The following USP10 variants were observed in gnomAD, a reference collection of about 807,000 sequenced individuals.
USP10 encodes the protein ubiquitin specific peptidase 10, also known as ubiquitin carboxyl-terminal hydrolase 10.
Under a neutral mutation model 84.5 loss-of-function variants are expected in USP10, and 22 were observed. The observed-to-expected ratio is 0.26, with a 90% CI of 0.19 to 0.37. USP10 has a LOEUF of 0.37. Among genes scored for constraint, USP10 ranks in the 10% least tolerant of loss-of-function variants. USP10 has a pLI of 1.00. For synonymous variants in USP10, 454 were observed against 387.6 expected, an observed-to-expected ratio of 1.17 and a Z score of -2.01; for missense variants, 1,019 against 998.9, an observed-to-expected ratio of 1.02 and a Z score of -0.27.
At chr16:84,753,291 G>C (rs374404290) in intron 4 of USP10, among the ~76,000 whole-genome samples, 13 of 152,122 alleles carry the variant, frequency 8.5e-5, no homozygotes, top group East Asian at 3.8e-4. Flanking sequence ...AATATGTCAA[G>C]ATGTTTAAAA....
At chr16:84,733,247 G>A (rs1909471307) in intron 1 of USP10, 188 bp from the exon 2 acceptor site, 1 of 609,472 alleles carries the variant, frequency 1.6e-6, no homozygotes, top group Non-Finnish European at 2.9e-6. Flanking sequence ...TGTAGGAAAG[G>A]TTCAGTAGTA....
chr16:84,759,514 T>A (rs1013044895), intron 6 of USP10, 42 bp downstream of exon 6: 2 of 1,535,162 alleles, frequency 1.3e-6, no homozygotes, highest in African/African-American at 2.7e-5. Flanking sequence ...GTGGGGTTTT[T>A]CCCGTCTGAT....
chr16:84,775,086 G>T (rs1914857430), intron 12 of USP10, 74 bp from the exon 13 acceptor site: 1 of 1,312,928 alleles, frequency 7.6e-7, no homozygotes, highest in Non-Finnish European at 1.1e-6. Flanking sequence ...GGAGAATGTT[G>T]TTAGCCATTT....
At chr16:84,772,801 TG>T in intron 12 of USP10, 116 bp downstream of exon 12, 3 of 1,353,702 alleles carry the variant, frequency 2.2e-6, no homozygotes, top group Non-Finnish European at 3.0e-6. Flanking sequence ...TTGCTGGACG[TG>T]GACTTGTTTT....
chr16:84,757,028 G>A (rs74032690), intron 4 of USP10, among the ~76,000 whole-genome samples: 5,079 of 152,260 alleles, frequency 0.033, 128 homozygotes, highest in South Asian at 0.14. Context: ...TGTGACCTCA[G>A]TTTTCTCATC....
At chr16:84,724,480 T>C (rs1033658494) in intron 1 of USP10, among the ~76,000 whole-genome samples, 18 of 152,278 alleles carry the variant, frequency 1.2e-4, no homozygotes, top group South Asian at 2.1e-4. Context: ...TACTTTGACA[T>C]TTGAGTTTCA....
intron 4 of USP10, among the ~76,000 whole-genome samples, chr16:84,746,772 T>G (rs557489727): frequency 4.2e-4 from 64 of 152,304 alleles, no homozygotes; most frequent in African/African-American, 1.5e-3. Flanking sequence ...AAATTTTTCC[T>G]CAATAAGAAA....
chr16:84,753,042 C>T lies in USP10; in HGVS notation c.1193-5674C>T, dbSNP rs373222407. Among the ~76,000 whole-genome samples, 6 of 152,254 alleles carry T rather than the reference C, an allele frequency of 3.9e-5. No individual in the cohort carries two copies. The East Asian group carries it at 9.6e-4, about 24-fold the overall frequency. ...AGTGCTGTGGCATGATCATAGCTCA[C>T]TGCAGCCTTGATCTCTCAGGCGCAG... is the stretch of plus-strand genomic sequence containing the variant. On this transcript the variant is annotated intron_variant, in intron 4 of 13. Coordinates refer to ENST00000219473, the MANE Select transcript of USP10 (RefSeq NM_005153.3).
At chr16:84,748,101 C>T (rs1333901219) in intron 4 of USP10, among the ~76,000 whole-genome samples, 58 of 129,328 alleles carry the variant, frequency 4.5e-4, no homozygotes, top group Non-Finnish European at 8.3e-4. Context: ...TTGCAGTGAG[C>T]CGAGATGGCG....
chr16:84,724,177 C>T (rs956541241), intron 1 of USP10, among the ~76,000 whole-genome samples: 22 of 152,076 alleles, frequency 1.4e-4, no homozygotes, highest in African/African-American at 4.8e-4. Context: ...AAGAGCAAAG[C>T]GAGTTAAAAT....
At chr16:84,710,564 G>A (rs536336728) in intron 1 of USP10, among the ~76,000 whole-genome samples, 3 of 152,264 alleles carry the variant, frequency 2.0e-5, no homozygotes, top group Non-Finnish European at 4.4e-5. Flanking sequence ...CCTTTATTTT[G>A]AGGGGGAGGC....
chr16:84,704,930 C>G (rs1261952800), intron 1 of USP10: 2 of 1,532,868 alleles, frequency 1.3e-6, no homozygotes, highest in Non-Finnish European at 1.7e-6. Context: ...CCCTTTTGGG[C>G]TCACATGAGA....
At chr16:84,762,833 A>G (rs1056769805) in intron 8 of USP10, among the ~76,000 whole-genome samples, 156 bp from the exon 9 acceptor site, 3 of 152,184 alleles carry the variant, frequency 2.0e-5, no homozygotes, top group Admixed American at 1.3e-4. Flanking sequence ...GATTTCAGCT[A>G]TGCAAGGGAA....
At chr16:84,755,949 CTA>C (rs1760556456) in intron 4 of USP10, among the ~76,000 whole-genome samples, 1 of 152,190 alleles carries the variant, frequency 6.6e-6, no homozygotes, top group Non-Finnish European at 1.5e-5. Flanking sequence ...TATTCCTCCT[CTA>C]GTTGGATAGC....
In USP10 at chr16:84,764,944, A is replaced by ATG. The variant is rs1175862866; in HGVS notation, c.1832+682_1832+683insGT. On this transcript the variant is annotated intron_variant, in intron 10 of 13. Coordinates refer to ENST00000219473, the MANE Select transcript of USP10 (RefSeq NM_005153.3). ...ACGAGAGAGAGAGAAAAAAAAATAT[A>ATG]TATATATATATTAGACTTCATCTGC... 2.0e-5 allele frequency among the ~76,000 whole-genome samples: 3 copies of ATG among 148,214 alleles called. No homozygotes were observed. In the East Asian group the frequency reaches 5.9e-4, roughly 29 times the overall value.
chr16:84,773,940 T>C (rs1041185656), intron 12 of USP10, among the ~76,000 whole-genome samples: 1 of 152,136 alleles, frequency 6.6e-6, no homozygotes, highest in Non-Finnish European at 1.5e-5. Context: ...CCACCTCCAA[T>C]ACATTATCAA....
At chr16:84,717,829 C>T (rs1410192545) in intron 1 of USP10, among the ~76,000 whole-genome samples, 10 of 152,162 alleles carry the variant, frequency 6.6e-5, no homozygotes, top group African/African-American at 2.4e-4. Flanking sequence ...GATTTCAGTA[C>T]GGATTAATTT....
In USP10 at chr16:84,759,909, G is replaced by C; in HGVS notation, c.1413G>C (p.Glu471Asp). 6.2e-7 allele frequency: 1 copy of C among 1,613,952 alleles called. No individual in the cohort carries two copies. The highest frequency in any genetic ancestry group is 8.5e-7 in the Non-Finnish European group (1 of 1,179,878). Residue 471 changes from glutamate (E) to aspartate (D), a missense_variant, in exon 7 of 14, where the codon GAG (glutamate) becomes GAC (aspartate). Coordinates refer to ENST00000219473, the MANE Select transcript of USP10 (RefSeq NM_005153.3). Reference protein sequence around the residue: ...MIDSFVRLMNEFTNMPVPPKP... With the variant: ...MIDSFVRLMNDFTNMPVPPKP... ...TGTTTAGTGTTCGGCTAATGAATGAGTTCACTAATATGCCAGTACCTCCAA... is the reference window on the plus strand; with the variant it reads ...TGTTTAGTGTTCGGCTAATGAATGACTTCACTAATATGCCAGTACCTCCAA...
intron 5 of USP10, 42 bp from the exon 6 acceptor site, chr16:84,759,321 G>A: frequency 6.4e-7 from 1 of 1,552,962 alleles, no homozygotes; most frequent in Non-Finnish European, 8.9e-7. Flanking sequence ...AATGTGGTGT[G>A]TCTGTTCATT....
Sources: gnomAD v4.1 joint callset for allele counts (sites outside exome capture counted in the v4.1 genomes callset) on GRCh38, gnomAD v4.1.1 for gene constraint, MANE v1.5 for transcripts, NCBI Gene and HGNC (gene_info 2026-07-23, HGNC 2026-07-21) for gene names.